CACNA1B: variants seen among roughly 807,000 people sequenced by gnomAD.
CACNA1B encodes calcium voltage-gated channel subunit alpha1 B.
A neutral mutation model predicts 247.2 loss-of-function variants in CACNA1B; 70 were observed. The observed-to-expected ratio is 0.28, with a 90% CI of 0.23 to 0.35. The LOEUF is 0.35. Ranked by LOEUF, CACNA1B falls within the 10% of genes least tolerant of loss-of-function variation. CACNA1B has a pLI of 1.00. For missense variants in CACNA1B, 2,367 were observed against 3,197.4 expected (o/e 0.74, Z 6.26); for synonymous variants, 1,231 against 1,294.4 (o/e 0.95, Z 1.05).
chr9:138,069,964 C>G (rs1304022726), intron 32 of CACNA1B, among the ~76,000 whole-genome samples: 1 of 152,186 alleles, frequency 6.6e-6, no homozygotes, highest in Non-Finnish European at 1.5e-5. Flanking sequence ...GCCCTCCTGG[C>G]AGCGATTTGA....
At chr9:137,946,891 G>A (rs181059269) in intron 6 of CACNA1B, among the ~76,000 whole-genome samples, 2 of 152,230 alleles carry the variant, frequency 1.3e-5, no homozygotes, top group Non-Finnish European at 2.9e-5. Context: ...TACCGGGGGG[G>A]TCTTGACTAT....
At chr9:138,080,122 C>T (rs1370362891) in intron 36 of CACNA1B, among the ~76,000 whole-genome samples, 1 of 152,192 alleles carries the variant, frequency 6.6e-6, no homozygotes, top group Non-Finnish European at 1.5e-5. Context: ...GTGCTTTTCT[C>T]TAGCCACATT....
chr9:137,973,219 C>T lies in CACNA1B; in HGVS notation c.1543+1627C>T, dbSNP rs1269821085. 1.3e-5 allele frequency among the ~76,000 whole-genome samples: 2 copies of T among 152,190 alleles called. No individual in the cohort carries two copies. The highest frequency in any genetic ancestry group is 2.9e-5 in the Non-Finnish European group (2 of 68,030). On this transcript the variant is annotated intron_variant, in intron 11 of 46. Transcript: ENST00000371372. The surrounding 1 kb of genome is among the most constrained non-coding windows in gnomAD (Gnocchi z 4.1). ...TGACCGTAGACCGCTACTGTGTCTTCTCTGTGGTTTCCTGGAGTTCCTGGC... is the reference window on the plus strand; with the variant it reads ...TGACCGTAGACCGCTACTGTGTCTTTTCTGTGGTTTCCTGGAGTTCCTGGC...
chr9:138,121,520 A>AC lies in CACNA1B; in HGVS notation c.6546dup (p.Gly2183ArgfsTer75). ...CTTGCTGTCAACATCTGGTGCTAGCACCCCCGGCCGCGGTGGGCGGAGGCA... is the reference window on the plus strand; with the variant it reads ...CTTGCTGTCAACATCTGGTGCTAGCACCCCCCGGCCGCGGTGGGCGGAGGCA... On this transcript the variant is annotated frameshift_variant, in exon 47 of 47. Coordinates refer to ENST00000371372, the MANE Select transcript of CACNA1B (RefSeq NM_000718.4). LOFTEE classifies it high-confidence loss of function. The surrounding 1 kb of genome is among the most constrained non-coding windows in gnomAD (Gnocchi z 6.8). 1 of 1,561,562 alleles carries AC rather than the reference A, an allele frequency of 6.4e-7. No homozygotes were observed. Among genetic ancestry groups the AC allele is most frequent in the Non-Finnish European group, 8.7e-7 (1 of 1,154,588 alleles).
rs541026974 is a variant in CACNA1B at position 138,023,919 on chromosome 9, C to A, written c.3068+108C>A. Reference sequence around the variant, plus strand: ...TCCACGGCGGAGGCTGCAGCCCCGGCCACGCTGCCATGTCCAGAGCCGTCG... The same window carrying A: ...TCCACGGCGGAGGCTGCAGCCCCGGACACGCTGCCATGTCCAGAGCCGTCG... On this transcript the variant is annotated intron_variant, in intron 19 of 46. Coordinates refer to ENST00000371372, the MANE Select transcript of CACNA1B (RefSeq NM_000718.4). The A allele has an allele frequency of 1.1e-3, 691 of 626,178 alleles. 11 individuals are homozygous for A. The East Asian group carries it at 0.021, about 19-fold the overall frequency. 38.8% of individuals were successfully genotyped at this position (626,178 alleles called of 1,614,324 possible).
chr9:138,121,364 T>C lies in CACNA1B; in HGVS notation c.6490-105T>C. 1.2e-6 allele frequency: 1 copy of C among 867,334 alleles called. No individual in the cohort carries two copies. Among genetic ancestry groups the C allele is most frequent in the Non-Finnish European group, 1.7e-6 (1 of 588,616 alleles). The allele number at this position is 867,334 out of a possible 1,614,324, so 53.7% of individuals were successfully genotyped here. ...CGTTGTCCCCCATTGCCTCCCTCTC[T>C]CCTCCCATCCCCCCAGGCACCTGTG... On this transcript the variant is annotated intron_variant, in intron 46 of 46. Transcript: ENST00000371372. This position sits in a 1 kb window ranked among gnomAD's most constrained non-coding sequence, Gnocchi z 6.8.
chr9:138,023,853 C>T (rs532362697), intron 19 of CACNA1B, 42 bp downstream of exon 19: 1 of 1,018,892 alleles, frequency 9.8e-7, no homozygotes, highest in Non-Finnish European at 1.5e-6. Flanking sequence ...GAAGGGTTGG[C>T]CGGGGCGGCG....
At chr9:137,901,549 C>T (rs1298364485) in intron 3 of CACNA1B, among the ~76,000 whole-genome samples, 2 of 152,072 alleles carry the variant, frequency 1.3e-5, no homozygotes, top group Non-Finnish European at 2.9e-5. Context: ...TTTGGTGATA[C>T]AGATTGTCAG....
At position 137,917,696 on chromosome 9, in the gene CACNA1B, G is replaced by C. The variant is rs1461171759; in HGVS notation, c.966+265G>C. ...TGAAAATGAAGCAGAAGGCTGACTG[G>C]TGGAGGTCAGAGAAGAAAACTCCAG... On this transcript the variant is annotated intron_variant, in intron 6 of 46. Transcript: ENST00000371372. The surrounding 1 kb of genome is among the most constrained non-coding windows in gnomAD (Gnocchi z 5.5). Among the ~76,000 whole-genome samples the C allele has an allele frequency of 2.0e-5, 3 of 152,262 alleles. No individual in the cohort carries two copies. Among genetic ancestry groups the C allele is most frequent in the Admixed American group, 6.5e-5 (1 of 15,290 alleles).
At chr9:138,045,442 G>A (rs890206847) in intron 21 of CACNA1B, among the ~76,000 whole-genome samples, 6 of 152,144 alleles carry the variant, frequency 3.9e-5, no homozygotes, top group South Asian at 4.1e-4. Flanking sequence ...AGTCAGGTGC[G>A]TATGGAGGAA....
intron 31 of CACNA1B, among the ~76,000 whole-genome samples, chr9:138,064,547 T>C (rs1959847261): frequency 6.6e-6 from 1 of 152,262 alleles, no homozygotes; most frequent in South Asian, 2.1e-4. Context: ...TTGTTGGCGC[T>C]GCCCCTCTGT....
chr9:137,913,159 T>A lies in CACNA1B; in HGVS notation c.531-21T>A. ...TCAATGTGGAAACCTTTACTTCCCT[T>A]CTTCTCCTTGTTTCTGCCAGGATCC... On this transcript the variant is annotated intron_variant, in intron 3 of 46. Coordinates refer to ENST00000371372, the MANE Select transcript of CACNA1B (RefSeq NM_000718.4). The surrounding 1 kb of genome is among the most constrained non-coding windows in gnomAD (Gnocchi z 5.2). 6.2e-7 allele frequency: 1 copy of A among 1,606,868 alleles called. No individual in the cohort carries two copies. The highest frequency in any genetic ancestry group is 8.5e-7 in the Non-Finnish European group (1 of 1,173,610).
chr9:137,947,272 C>T (rs1031302815), intron 6 of CACNA1B, among the ~76,000 whole-genome samples: 12 of 152,102 alleles, frequency 7.9e-5, no homozygotes, highest in Non-Finnish European at 1.2e-4. Context: ...GAGGTACTTT[C>T]CATTTTTTCA....
At chr9:138,036,636 T>C (rs1004940011) in intron 20 of CACNA1B, among the ~76,000 whole-genome samples, 5 of 152,198 alleles carry the variant, frequency 3.3e-5, no homozygotes. Context: ...CAGTCATTCG[T>C]CTAAATTTTT....
chr9:138,019,783 C>A (rs1252084838), intron 18 of CACNA1B, among the ~76,000 whole-genome samples: 1 of 152,060 alleles, frequency 6.6e-6, no homozygotes, highest in Non-Finnish European at 1.5e-5. Flanking sequence ...TGCATCCATC[C>A]GCGGGGTGGA....
chr9:138,123,469 G>A lies in CACNA1B; in HGVS notation c.*1470G>A, dbSNP rs1388242708. ...AAGGGAGCATTTAGAGCAGTTGATG[G>A]TGGTGTGTCCTCCGTGTTCTGAAAT... On this transcript the variant is annotated 3_prime_UTR_variant, in exon 47 of 47. Coordinates refer to ENST00000371372, the MANE Select transcript of CACNA1B (RefSeq NM_000718.4). 1 of 152,344 alleles carries A rather than the reference G, an allele frequency of 6.6e-6. No homozygotes were observed. Among genetic ancestry groups the A allele is most frequent in the Non-Finnish European group, 1.5e-5 (1 of 68,144 alleles). 9.4% of individuals were successfully genotyped at this position (152,344 alleles called of 1,614,324 possible).
At position 137,919,001 on chromosome 9, in the gene CACNA1B, G is replaced by A. The variant is rs1957447928; in HGVS notation, c.966+1570G>A. On this transcript the variant is annotated intron_variant, in intron 6 of 46. Coordinates refer to ENST00000371372, the MANE Select transcript of CACNA1B (RefSeq NM_000718.4). The surrounding 1 kb of genome is among the most constrained non-coding windows in gnomAD (Gnocchi z 4.6). ...AGACCCTAAAAATAGCTCTGAGCTG[G>A]CTGCATTCCTGCTGGCCCCACCCAA... 6.6e-6 allele frequency among the ~76,000 whole-genome samples: 1 copy of A among 152,234 alleles called. No homozygotes were observed. The highest frequency in any genetic ancestry group is 1.5e-5 in the Non-Finnish European group (1 of 68,042).
intron 12 of CACNA1B, among the ~76,000 whole-genome samples, chr9:137,979,709 A>T (rs2133375768): frequency 6.6e-6 from 1 of 152,300 alleles, no homozygotes; most frequent in East Asian, 1.9e-4. Flanking sequence ...TTACAGTATC[A>T]GCTCAAAATC....
At chr9:137,958,662 T>C (rs1457931299) in intron 10 of CACNA1B, among the ~76,000 whole-genome samples, 3 of 152,166 alleles carry the variant, frequency 2.0e-5, no homozygotes, top group African/African-American at 4.8e-5. Context: ...TCACTAGTGC[T>C]TTTCTCTGTG....
Sources: allele counts gnomAD v4.1 joint callset (sites outside exome capture counted in the v4.1 genomes callset), GRCh38; gene constraint gnomAD v4.1.1; non-coding constraint Gnocchi (gnomAD v3.1); transcripts MANE v1.5; gene names NCBI Gene and HGNC (gene_info 2026-07-23, HGNC 2026-07-21).